GABRG3: variants seen among roughly 807,000 people sequenced by gnomAD.
GABRG3 encodes gamma-aminobutyric acid type A receptor subunit gamma3, also known as gamma-aminobutyric acid receptor subunit gamma-3.
Under a neutral mutation model 48.8 loss-of-function variants are expected in GABRG3, and 25 were observed. The observed-to-expected ratio is 0.51, with a 90% CI of 0.37 to 0.72. The LOEUF (loss-of-function observed/expected upper bound fraction) is 0.72, where lower values mean the gene tolerates loss of function less well. Among genes scored for constraint, GABRG3 ranks in the 30% least tolerant of loss-of-function variants. The probability of loss-of-function intolerance (pLI) is 0.00; values close to 1 mark genes in which losing one functional copy is unlikely to be tolerated. For missense variants in GABRG3, 394 were observed against 577.9 expected, an observed-to-expected ratio of 0.68 and a Z score of 3.26; for synonymous variants, 227 against 217.6, an observed-to-expected ratio of 1.04 and a Z score of -0.38.
chr15:27,224,259 G>C (rs1283025613), intron 3 of GABRG3, among the ~76,000 whole-genome samples: 2 of 152,198 alleles, frequency 1.3e-5, no homozygotes, highest in Non-Finnish European at 2.9e-5. Flanking sequence ...CAAAGGAAAA[G>C]ATCATGTTTT....
intron 3 of GABRG3, among the ~76,000 whole-genome samples, chr15:27,140,679 A>G (rs1898087254): frequency 6.6e-6 from 1 of 152,152 alleles, no homozygotes; most frequent in African/African-American, 2.4e-5. Context: ...TATACATTCT[A>G]AGACTTATTT....
At chr15:27,431,556 G>A (rs1048984911) in intron 5 of GABRG3, among the ~76,000 whole-genome samples, 4 of 152,008 alleles carry the variant, frequency 2.6e-5, no homozygotes, top group African/African-American at 4.8e-5. Context: ...CCTGTTGTTC[G>A]GTTTTGAATA....
chr15:27,386,113 T>TTC (rs1200406122), intron 5 of GABRG3, among the ~76,000 whole-genome samples: 4 of 152,082 alleles, frequency 2.6e-5, no homozygotes, highest in Non-Finnish European at 4.4e-5. Context: ...TGATGTCGTC[T>TTC]TCTCTCTCTC....
At position 27,298,023 on chromosome 15, in the gene GABRG3, A is replaced by G. The variant is rs111634500; in HGVS notation, c.271-28786A>G. ...TAGATCCTCAAACGTTACATCAGAA[A>G]ATATCCACTTAATCCAAAAGAAGTA... On this transcript the variant is annotated intron_variant, in intron 3 of 9. Coordinates refer to ENST00000615808, the MANE Select transcript of GABRG3 (RefSeq NM_033223.5). 5.3e-5 allele frequency among the ~76,000 whole-genome samples: 8 copies of G among 152,202 alleles called. 1 individual carries two copies. Among genetic ancestry groups the G allele is most frequent in the African/African-American group, 1.9e-4 (8 of 41,556 alleles).
intron 5 of GABRG3, among the ~76,000 whole-genome samples, chr15:27,381,046 T>G (rs1040890005): frequency 2.0e-5 from 3 of 152,186 alleles, no homozygotes; most frequent in African/African-American, 7.2e-5. Flanking sequence ...ATTACAGGCC[T>G]GAGCCACCGC....
chr15:27,279,682 T>G (rs1342629748), intron 3 of GABRG3, among the ~76,000 whole-genome samples: 2 of 152,194 alleles, frequency 1.3e-5, no homozygotes, highest in Non-Finnish European at 2.9e-5. Context: ...GTATAAGTCT[T>G]ATAGTCAGGT....
At chr15:27,347,631 A>C (rs1894419728) in intron 5 of GABRG3, among the ~76,000 whole-genome samples, 1 of 152,190 alleles carries the variant, frequency 6.6e-6, no homozygotes, top group African/African-American at 2.4e-5. Flanking sequence ...GCCAGAGAAA[A>C]TATGGGATCT....
intron 3 of GABRG3, among the ~76,000 whole-genome samples, chr15:27,052,629 A>C (rs969264255): frequency 2.0e-5 from 3 of 152,238 alleles, no homozygotes; most frequent in Non-Finnish European, 4.4e-5. Context: ...AAGAAGATTC[A>C]GCAAATGGAT....
intron 3 of GABRG3, among the ~76,000 whole-genome samples, chr15:27,238,299 G>A (rs1202702760): frequency 6.6e-6 from 1 of 152,182 alleles, no homozygotes; most frequent in South Asian, 2.1e-4. Flanking sequence ...TTGTCTGACC[G>A]TGGGCCCTAA....
At chr15:27,436,995 T>TAGAGAGAGAGAGAGAGAGAGAGAGAGAG (rs10549691) in intron 5 of GABRG3, among the ~76,000 whole-genome samples, 2 of 130,476 alleles carry the variant, frequency 1.5e-5, no homozygotes, top group African/African-American at 5.7e-5. Flanking sequence ...CTCCGAAAAA[T>TAGAGAGAGAGAGAGAGAGAGAGAGAGAG]AGAGAGAGAG....
intron 5 of GABRG3, among the ~76,000 whole-genome samples, chr15:27,466,086 C>T (rs1889600014): frequency 1.3e-5 from 2 of 152,288 alleles, no homozygotes; most frequent in Admixed American, 6.5e-5. Context: ...TTCAAGGCCC[C>T]TTATTTCATA....
intron 7 of GABRG3, among the ~76,000 whole-genome samples, chr15:27,521,347 A>G (rs1165727528): frequency 2.0e-5 from 3 of 152,164 alleles, no homozygotes; most frequent in African/African-American, 7.2e-5. Context: ...TCCTTTAATG[A>G]AGCTTGAACC....
intron 5 of GABRG3, among the ~76,000 whole-genome samples, chr15:27,357,072 T>C (rs1894866390): frequency 6.6e-6 from 1 of 152,176 alleles, no homozygotes; most frequent in Non-Finnish European, 1.5e-5. Context: ...CCCAGTTTTT[T>C]AGACTTCTAA....
chr15:27,190,985 C>A (rs914564910), intron 3 of GABRG3, among the ~76,000 whole-genome samples: 1 of 152,102 alleles, frequency 6.6e-6, no homozygotes. Context: ...GTTATGTACC[C>A]AGTAGTCATT....
intron 3 of GABRG3, among the ~76,000 whole-genome samples, chr15:27,075,649 A>C (rs968748708): frequency 6.6e-6 from 1 of 152,238 alleles, no homozygotes; most frequent in African/African-American, 2.4e-5. Flanking sequence ...GGAGATGTTC[A>C]AAGTCATATC....
chr15:27,361,853 C>T (rs10083554), intron 5 of GABRG3, among the ~76,000 whole-genome samples: 54,169 of 152,124 alleles, frequency 0.36, 11,838 homozygotes, highest in African/African-American at 0.61. Context: ...GTCTGTAATT[C>T]CAACATTTCT....
chr15:27,130,176 A>C (rs1469880089), intron 3 of GABRG3, among the ~76,000 whole-genome samples: 1 of 152,046 alleles, frequency 6.6e-6, no homozygotes, highest in Non-Finnish European at 1.5e-5. Flanking sequence ...CTAACAGTTA[A>C]GTTTTAGCTG....
intron 2 of GABRG3, among the ~76,000 whole-genome samples, chr15:26,979,761 T>C (rs1895018115): frequency 6.6e-6 from 1 of 152,200 alleles, no homozygotes; most frequent in Admixed American, 6.5e-5. Context: ...CTTTTGTATA[T>C]TGCTGAATTC....
chr15:27,186,840 G>A (rs1888114090), intron 3 of GABRG3, among the ~76,000 whole-genome samples: 1 of 151,986 alleles, frequency 6.6e-6, no homozygotes, highest in Non-Finnish European at 1.5e-5. Context: ...GGGGTTATTT[G>A]TTTTTTGCTT....
Sources: allele counts gnomAD v4.1 joint callset (sites outside exome capture counted in the v4.1 genomes callset), GRCh38; gene constraint gnomAD v4.1.1; transcripts MANE v1.5; gene names NCBI Gene and HGNC (gene_info 2026-07-23, HGNC 2026-07-21).